DST: variants seen among roughly 807,000 people sequenced by gnomAD.
The protein encoded by DST is bullous pemphigoid antigen.
DST carries 253 observed loss-of-function variants against 875.2 expected under a neutral mutation model. That is an observed-to-expected ratio of 0.29 (90% CI 0.26 to 0.32). The LOEUF (loss-of-function observed/expected upper bound fraction) is 0.32, where lower values mean the gene tolerates loss of function less well. Ranked by LOEUF, DST falls within the 10% of genes least tolerant of loss-of-function variation. The pLI is 1.00. For missense variants in DST, 8,287 were observed against 9,111.6 expected, an observed-to-expected ratio of 0.91 and a Z score of 3.68; for synonymous variants, 3,124 against 3,197.1, an observed-to-expected ratio of 0.98 and a Z score of 0.77.
At chr6:56,493,680 A>G (rs192206584) in intron 83 of DST, among the ~76,000 whole-genome samples, 1 of 152,190 alleles carries the variant, frequency 6.6e-6, no homozygotes, top group East Asian at 1.9e-4. Flanking sequence ...ACCCATATAT[A>G]TAGTCTTTTG....
Position 56,607,327 on chromosome 6 carries a change from C to A in DST, c.7301G>T (p.Arg2434Met), listed in dbSNP as rs757991177. Residue 2434 changes from arginine (R) to methionine (M), a missense_variant, in exon 40 of 104, where the codon AGG becomes ATG. Coordinates refer to ENST00000680361, the MANE Select transcript of DST (RefSeq NM_001374736.1). ...ATCATGACTTAACAAGGCACTTAGC[C>A]TGGGGGAATAGTCAAAGATAGGTGA... ...RDSPIFDYSP[R>M]LSALLSHDKL... 1.2e-6 allele frequency: 2 copies of A among 1,613,212 alleles called. No homozygotes were observed. Among genetic ancestry groups the A allele is most frequent in the Non-Finnish European group, 8.5e-7 (1 of 1,179,660 alleles).
chr6:56,509,583 TA>T, intron 74 of DST, 58 bp downstream of exon 74: 1 of 1,314,348 alleles, frequency 7.6e-7, no homozygotes, highest in Non-Finnish European at 1.1e-6. Context: ...GGACGGTGAG[TA>T]AACCGCATAA....
At chr6:56,616,009 T>C (rs2098612489) in intron 36 of DST, 2 of 1,614,098 alleles carry the variant, frequency 1.2e-6, no homozygotes, top group South Asian at 1.1e-5. Context: ...TTATGCCCCC[T>C]GTACTGACTT....
Position 56,572,257 on chromosome 6 carries a change from A to G in DST, c.13564T>C (p.Ser4522Pro). Reference protein sequence around the residue: ...ELSQYMQESTSEFLEHKKHLE... With the variant: ...ELSQYMQESTPEFLEHKKHLE... ...TGTTTCTTGTGTTCTAAAAATTCAG[A>G]AGTTGATTCCTACAAAGCATTAAGA... The change falls in exon 53 of 104, where the codon TCT becomes CCT. Residue 4522 changes from serine (S) to proline (P), a missense_variant. This residue lies in a region of DST where 1,513 missense variants were observed against 1,677.8 expected (regional missense o/e 0.90). Transcript: ENST00000680361. 1 of 1,558,218 alleles carries G rather than the reference A, an allele frequency of 6.4e-7. No individual in the cohort carries two copies. Among genetic ancestry groups the G allele is most frequent in the Non-Finnish European group, 8.7e-7 (1 of 1,151,470 alleles).
intron 10 of DST, among the ~76,000 whole-genome samples, chr6:56,655,379 A>G (rs2099001914): frequency 6.6e-6 from 1 of 152,188 alleles, no homozygotes; most frequent in South Asian, 2.1e-4. Flanking sequence ...TAGTGCAGAC[A>G]CAACATTACC....
chr6:56,879,148 A>G (rs1205419755), intron 3 of DST, among the ~76,000 whole-genome samples: 3 of 152,152 alleles, frequency 2.0e-5, no homozygotes, highest in African/African-American at 7.2e-5. Context: ...ACCACTTTCA[A>G]CTTTCTACGT....
chr6:56,508,412 C>T, intron 75 of DST, 117 bp downstream of exon 75: 1 of 832,752 alleles, frequency 1.2e-6, no homozygotes, highest in Non-Finnish European at 1.9e-6. Flanking sequence ...CTGCACATTC[C>T]ATTTTCAGAA....
chr6:56,851,172 C>G, intron 4 of DST: 1 of 545,954 alleles, frequency 1.8e-6, no homozygotes, highest in South Asian at 3.0e-5. Flanking sequence ...GGAATCGATT[C>G]GTCCAACCAG....
rs2095800191 is a variant in DST at position 56,492,933 on chromosome 6, C to A, written c.20550+1G>T. On this transcript the variant is annotated splice_donor_variant, in intron 84 of 103. Transcript: ENST00000680361. LOFTEE classifies it high-confidence loss of function. Reference sequence around the variant, plus strand: ...TCCTATCTATTTGACTCACTACATACCTTGTGTTCGTCAATTTGAAATAAG... The same window carrying A: ...TCCTATCTATTTGACTCACTACATAACTTGTGTTCGTCAATTTGAAATAAG... 1 of 1,598,516 alleles carries A rather than the reference C, an allele frequency of 6.3e-7. No individual in the cohort carries two copies. The highest frequency in any genetic ancestry group is 8.5e-7 in the Non-Finnish European group (1 of 1,172,146).
At chr6:56,831,287 C>T (rs927088850) in intron 4 of DST, among the ~76,000 whole-genome samples, 1 of 152,146 alleles carries the variant, frequency 6.6e-6, no homozygotes, top group Admixed American at 6.5e-5. Context: ...ATAAAATCTT[C>T]AACTCAACAC....
At chr6:56,806,738 T>C (rs1173010885) in intron 4 of DST, among the ~76,000 whole-genome samples, 3 of 152,220 alleles carry the variant, frequency 2.0e-5, no homozygotes, top group African/African-American at 7.2e-5. Context: ...ACAACTTGTA[T>C]TGTGCAGTAA....
At chr6:56,899,737 C>A (rs891879990) in intron 3 of DST, among the ~76,000 whole-genome samples, 1 of 152,048 alleles carries the variant, frequency 6.6e-6, no homozygotes, top group Non-Finnish European at 1.5e-5. Flanking sequence ...TGAGCCAGAA[C>A]CAAGGAAAGA....
intron 63 of DST, among the ~76,000 whole-genome samples, chr6:56,534,580 CT>C (rs2096959885): frequency 1.3e-5 from 2 of 152,268 alleles, no homozygotes; most frequent in African/African-American, 4.8e-5. Flanking sequence ...CCAAAAGAAG[CT>C]GTCAATATTT....
chr6:56,500,608 A>G (rs1194289237), intron 80 of DST, among the ~76,000 whole-genome samples: 1 of 152,196 alleles, frequency 6.6e-6, no homozygotes, highest in Non-Finnish European at 1.5e-5. Flanking sequence ...ACAGATAAAA[A>G]TATGTCAGAA....
chr6:56,619,222 T>C lies in DST; in HGVS notation c.4930-4738A>G. 3 of 1,613,848 alleles carry C rather than the reference T, an allele frequency of 1.9e-6. No homozygotes were observed. The South Asian group carries it at 3.3e-5, about 18-fold the overall frequency. ...CTTCACATCTTTGCTGGATAGTTTG[T>C]TTCTCTAAAACTATATTCTCTGATT... On this transcript the variant is annotated intron_variant, in intron 36 of 103. Coordinates refer to ENST00000680361, the MANE Select transcript of DST (RefSeq NM_001374736.1).
rs570418955 is a variant in DST at position 56,930,743 on chromosome 6, C to T, written c.216+23042G>A. On this transcript the variant is annotated intron_variant, in intron 2 of 103. Coordinates refer to ENST00000680361, the MANE Select transcript of DST (RefSeq NM_001374736.1). The stretch of plus-strand genomic sequence containing the variant: ...ATCAGTAATTTTTCTAGTGTTCATT[C>T]ATTTATATAAGAAAGATATGAAAAA... Among the ~76,000 whole-genome samples, 4 of 152,214 alleles carry T rather than the reference C, an allele frequency of 2.6e-5. No individual in the cohort carries two copies. In the South Asian group the frequency reaches 6.2e-4, roughly 24 times the overall value.
At chr6:56,859,913 T>TGAAGG (rs1770100861) in intron 3 of DST, among the ~76,000 whole-genome samples, 1 of 152,186 alleles carries the variant, frequency 6.6e-6, no homozygotes, top group Admixed American at 6.5e-5. Flanking sequence ...CCGCAGTCCC[T>TGAAGG]TCAGAAGCCA....
Position 56,569,960 on chromosome 6 carries a change from C to G in DST, c.13774G>C (p.Val4592Leu). The change falls in exon 54 of 104, where the codon GTT (valine) becomes CTT (leucine). Residue 4592 changes from valine (V) to leucine (L), a missense_variant. Coordinates refer to ENST00000680361, the MANE Select transcript of DST (RefSeq NM_001374736.1). ...QEQLDAFQVLVKSLKSWIKET... is the reference protein window; with the variant it reads ...QEQLDAFQVLLKSLKSWIKET... Reference sequence around the variant, plus strand: ...TTTATCCATGACTTCAATGATTTAACAAGAACTTGGAAAGCATCCAACTGT... The same window carrying G: ...TTTATCCATGACTTCAATGATTTAAGAAGAACTTGGAAAGCATCCAACTGT... 3.1e-6 allele frequency: 5 copies of G among 1,608,612 alleles called. No homozygotes were observed. Among genetic ancestry groups the G allele is most frequent in the Non-Finnish European group, 3.4e-6 (4 of 1,178,250 alleles).
At chr6:56,842,921 C>G in intron 4 of DST, 1 of 840,202 alleles carries the variant, frequency 1.2e-6, no homozygotes, top group Non-Finnish European at 1.6e-6. Context: ...GCAAAAAGAC[C>G]TGGTCCATTC....
Sources: gnomAD v4.1 joint callset for allele counts (sites outside exome capture counted in the v4.1 genomes callset) on GRCh38, gnomAD v4.1.1 for gene constraint, gnomAD v4.1.1 regional missense constraint, MANE v1.5 for transcripts, NCBI Gene and HGNC (gene_info 2026-07-23, HGNC 2026-07-21) for gene names.